PKNOX1: variants seen among roughly 807,000 people sequenced by gnomAD.
The protein encoded by PKNOX1 is PBX/knotted 1 homeobox 1.
Under a neutral mutation model 51.9 loss-of-function variants are expected in PKNOX1, and 15 were observed. The ratio of observed to expected loss-of-function variants is 0.29; its 90% CI spans 0.19 to 0.45. The LOEUF is 0.45. Among genes scored for constraint, PKNOX1 ranks in the 20% least tolerant of loss-of-function variants. PKNOX1 has a pLI of 1.00. For missense variants in PKNOX1, 462 were observed against 547.5 expected (o/e 0.84, Z 1.56); for synonymous variants, 219 against 211.1 (o/e 1.04, Z -0.32).
intron 1 of PKNOX1, among the ~76,000 whole-genome samples, chr21:42,984,256 T>C (rs2059040781): frequency 6.6e-6 from 1 of 152,134 alleles, no homozygotes; most frequent in African/African-American, 2.4e-5. Flanking sequence ...CATACGTTTT[T>C]ACATATTTTT....
At chr21:43,000,225 G>T (rs1978691015) in intron 1 of PKNOX1, among the ~76,000 whole-genome samples, 1 of 151,994 alleles carries the variant, frequency 6.6e-6, no homozygotes, top group African/African-American at 2.4e-5. Context: ...TACATTTTTG[G>T]GTATCTTTTC....
chr21:42,997,208 A>G (rs969782313), intron 1 of PKNOX1, among the ~76,000 whole-genome samples: 1 of 152,084 alleles, frequency 6.6e-6, no homozygotes, highest in African/African-American at 2.4e-5. Flanking sequence ...CATTTTTCCC[A>G]AGCAAACTAG....
At position 43,004,365 on chromosome 21, in the gene PKNOX1, TA is replaced by T; in HGVS notation, c.-13del. ...TCACCCAAGATGATTTGATGTCTTA[TA>T]AAACTCTGATGAACCATGATGGCTA... On this transcript the variant is annotated 5_prime_UTR_variant, in exon 2 of 11. It introduces an in-frame stop codon into an upstream open reading frame of the 5' UTR. Coordinates refer to ENST00000291547, the MANE Select transcript of PKNOX1 (RefSeq NM_004571.5). 2 of 1,578,958 alleles carry T rather than the reference TA, an allele frequency of 1.3e-6. No homozygotes were observed. The highest frequency in any genetic ancestry group is 1.7e-6 in the Non-Finnish European group (2 of 1,148,062).
rs377573122 is a variant in PKNOX1 at position 42,992,364 on chromosome 21, G to C, written c.-56-11962G>C. Among the ~76,000 whole-genome samples, 8 of 152,264 alleles carry C rather than the reference G, an allele frequency of 5.3e-5. No individual in the cohort carries two copies. The South Asian group carries it at 6.2e-4, about 12-fold the overall frequency. The stretch of plus-strand genomic sequence containing the variant: ...GTCACCCAACCTCTGGTACATCTGT[G>C]TCCTCAACAGGGAAACAAGGACAAC... On this transcript the variant is annotated intron_variant, in intron 1 of 10. Transcript: ENST00000291547.
At chr21:43,000,962 C>T (rs886084367) in intron 1 of PKNOX1, among the ~76,000 whole-genome samples, 3 of 152,152 alleles carry the variant, frequency 2.0e-5, no homozygotes, top group African/African-American at 7.2e-5. Flanking sequence ...CAGGTAGGAG[C>T]CTCCTACCAC....
intron 1 of PKNOX1, among the ~76,000 whole-genome samples, chr21:42,983,162 C>A (rs1171163041): frequency 2.0e-5 from 3 of 152,142 alleles, no homozygotes; most frequent in African/African-American, 7.2e-5. Flanking sequence ...AATTTACCAT[C>A]TTAACCATTT....
In PKNOX1 at chr21:43,007,555, G is replaced by T; in HGVS notation, c.116G>T (p.Gly39Val). 1 of 1,614,130 alleles carries T rather than the reference G, an allele frequency of 6.2e-7. No homozygotes were observed. The highest frequency in any genetic ancestry group is 1.1e-5 in the South Asian group (1 of 91,088). ...AACTGCTCTGAACCCGATGCAGAAGGAGTGAGCCCTCCCCCTGTGGAGTCT... is the reference window on the plus strand; with the variant it reads ...AACTGCTCTGAACCCGATGCAGAAGTAGTGAGCCCTCCCCCTGTGGAGTCT... ...DPNCSEPDAE[G>V]VSPPPVESQT... Residue 39 changes from glycine to valine, a missense_variant, in exon 3 of 11, where the codon GGA (glycine) becomes GTA (valine). Gly to Val is a moderately radical substitution (Grantham distance 109, BLOSUM62 -3). Coordinates refer to ENST00000291547, the MANE Select transcript of PKNOX1 (RefSeq NM_004571.5).
At chr21:43,026,885 C>T (rs924193470) in intron 9 of PKNOX1, among the ~76,000 whole-genome samples, 5 of 152,024 alleles carry the variant, frequency 3.3e-5, no homozygotes, top group Admixed American at 6.6e-5. Context: ...TGAAGCATGG[C>T]GGGATCCGAT....
chr21:43,025,107 G>A (rs1367286474), intron 9 of PKNOX1, among the ~76,000 whole-genome samples, 160 bp downstream of exon 9: 2 of 152,030 alleles, frequency 1.3e-5, no homozygotes, highest in African/African-American at 4.8e-5. Flanking sequence ...GGCTGGTCTC[G>A]AACTCCTGGC....
chr21:43,014,083 G>A (rs1215505424), intron 5 of PKNOX1, among the ~76,000 whole-genome samples: 2 of 145,294 alleles, frequency 1.4e-5, no homozygotes, highest in African/African-American at 5.2e-5. Flanking sequence ...GTGCAGTGGC[G>A]CGATCTCGGC....
At chr21:43,007,286 C>A (rs1451448478) in intron 2 of PKNOX1, among the ~76,000 whole-genome samples, 1 of 152,196 alleles carries the variant, frequency 6.6e-6, no homozygotes, top group East Asian at 1.9e-4. Context: ...CATTGGTTAT[C>A]TCAGTTCTTA....
rs1265510432 is a variant in PKNOX1, at chr21:43,033,353, C to T, written c.*3252C>T. On this transcript the variant is annotated 3_prime_UTR_variant, in exon 11 of 11. Coordinates refer to ENST00000291547, the MANE Select transcript of PKNOX1 (RefSeq NM_004571.5). ...GGGCACTTTTCATTGAGACAAACTC[C>T]AGGGTGTCCAGAGGGGGTTCTGCCC... 1 of 152,600 alleles carries T rather than the reference C, an allele frequency of 6.6e-6. No homozygotes were observed. The highest frequency in any genetic ancestry group is 2.4e-5 in the African/African-American group (1 of 41,444). The allele number at this position is 152,600 out of a possible 1,614,324, so 9.5% of individuals were successfully genotyped here.
intron 4 of PKNOX1, among the ~76,000 whole-genome samples, chr21:43,012,700 A>T (rs889118741): frequency 2.0e-5 from 3 of 152,252 alleles, no homozygotes; most frequent in Non-Finnish European, 4.4e-5. Context: ...GTGAGTGTGG[A>T]TGTATCACTA....
chr21:43,004,866 G>C (rs544345255), intron 2 of PKNOX1, among the ~76,000 whole-genome samples: 3 of 152,188 alleles, frequency 2.0e-5, no homozygotes, highest in African/African-American at 4.8e-5. Context: ...TAATGAATTT[G>C]CAGGGGCCCC....
intron 1 of PKNOX1, among the ~76,000 whole-genome samples, chr21:42,981,129 G>C (rs2059023260): frequency 1.3e-5 from 2 of 152,244 alleles, no homozygotes; most frequent in South Asian, 2.1e-4. Context: ...GCACTGAGTG[G>C]ATACCTCATG....
chr21:43,026,487 G>A (rs370066734), intron 9 of PKNOX1, among the ~76,000 whole-genome samples: 13 of 152,174 alleles, frequency 8.5e-5, no homozygotes, highest in South Asian at 6.2e-4. Flanking sequence ...GGCCAGGCGC[G>A]GTGGCTCACA....
At chr21:42,984,392 TTTTC>T (rs2059041403) in intron 1 of PKNOX1, among the ~76,000 whole-genome samples, 4 of 152,278 alleles carry the variant, frequency 2.6e-5, no homozygotes, top group African/African-American at 9.6e-5. Flanking sequence ...GTTTTTTTCT[TTTTC>T]TTTTTTTTTG....
Position 43,029,954 on chromosome 21 carries a change from G to A in PKNOX1, c.1164G>A (p.Ser388=), listed in dbSNP as rs531349610. 6.8e-6 allele frequency: 11 copies of A among 1,614,166 alleles called. No individual in the cohort carries two copies. In the African/African-American group the frequency reaches 1.2e-4, roughly 18 times the overall value. Residue 388 remains serine (S), a synonymous_variant, in exon 11 of 11, where the codon TCG becomes TCA. Coordinates refer to ENST00000291547, the MANE Select transcript of PKNOX1 (RefSeq NM_004571.5). ...MNVDSLQSLS[S]DGATLAVQQV... ...TGGACAGCCTTCAGTCTCTGTCCTC[G>A]GACGGGGCCACCCTGGCGGTGCAGC...
chr21:43,029,142 G>A (rs553792127), intron 10 of PKNOX1, among the ~76,000 whole-genome samples: 19 of 152,330 alleles, frequency 1.2e-4, no homozygotes, highest in African/African-American at 3.8e-4. Context: ...ACACAGTCAT[G>A]CCCATGGATC....
Sources: allele counts gnomAD v4.1 joint callset (sites outside exome capture counted in the v4.1 genomes callset), GRCh38; gene constraint gnomAD v4.1.1; transcripts MANE v1.5; gene names NCBI Gene and HGNC (gene_info 2026-07-23, HGNC 2026-07-21).